ADAMTSL1: variants seen among roughly 807,000 people sequenced by gnomAD.
ADAMTSL1 encodes ADAMTS-like protein 1.
A neutral mutation model predicts 201.8 loss-of-function variants in ADAMTSL1; 126 were observed. That is an observed-to-expected ratio of 0.62 (90% CI 0.54 to 0.72). The LOEUF (loss-of-function observed/expected upper bound fraction) is 0.72, where lower values mean the gene tolerates loss of function less well. Ranked by LOEUF, ADAMTSL1 falls within the 30% of genes least tolerant of loss-of-function variation. The probability of loss-of-function intolerance (pLI) is 0.00; values close to 1 mark genes in which losing one functional copy is unlikely to be tolerated. For missense variants in ADAMTSL1, 2,679 were observed against 2,277.8 expected (o/e 1.18, Z -3.59); for synonymous variants, 1,121 against 903.4 (o/e 1.24, Z -4.32).
intron 2 of ADAMTSL1, among the ~76,000 whole-genome samples, chr9:18,251,267 C>G (rs1164116478): frequency 2.0e-5 from 3 of 151,968 alleles, no homozygotes; most frequent in Admixed American, 6.6e-5. Flanking sequence ...AGTTCTAGAA[C>G]AAGAAATAAT....
chr9:18,274,056 G>T (rs1423570162), intron 2 of ADAMTSL1, among the ~76,000 whole-genome samples: 1 of 152,254 alleles, frequency 6.6e-6, no homozygotes, highest in Non-Finnish European at 1.5e-5. Flanking sequence ...TTTGGAGGGT[G>T]AGTCTAGAAT....
intron 3 of ADAMTSL1, among the ~76,000 whole-genome samples, chr9:18,545,429 T>C (rs1820412554): frequency 6.6e-6 from 1 of 152,084 alleles, no homozygotes; most frequent in Non-Finnish European, 1.5e-5. Context: ...ATCCAAAAAG[T>C]TTAAGGCTCA....
chr9:18,058,528 A>T (rs1467434523), intron 1 of ADAMTSL1, among the ~76,000 whole-genome samples: 5 of 150,256 alleles, frequency 3.3e-5, no homozygotes, highest in Non-Finnish European at 5.9e-5. Context: ...TTGTGAGCAT[A>T]TTTTTTTTTT....
chr9:18,195,338 G>A (rs1428405611), intron 2 of ADAMTSL1, among the ~76,000 whole-genome samples: 1 of 152,048 alleles, frequency 6.6e-6, no homozygotes, highest in African/African-American at 2.4e-5. Context: ...ACTGCCTCCG[G>A]GAAGGCCATC....
chr9:18,732,698 G>A (rs542211659), intron 15 of ADAMTSL1, among the ~76,000 whole-genome samples: 1 of 152,192 alleles, frequency 6.6e-6, no homozygotes, highest in Middle Eastern at 3.4e-3. Flanking sequence ...AGAAAGTGAG[G>A]AAGGAAAGAA....
rs190830517 is a variant in ADAMTSL1 at position 18,800,455 on chromosome 9, T to C, written c.3805+4931T>C. On this transcript the variant is annotated intron_variant, in intron 20 of 28. Coordinates refer to ENST00000380548, the MANE Select transcript of ADAMTSL1 (RefSeq NM_001040272.6). ...CTCTGGGCCACATGGTAATAGCGAC[T>C]GACTGATCTAAGCTGCCATCAAGGA... Among the ~76,000 whole-genome samples, 16 of 149,134 alleles carry C rather than the reference T, an allele frequency of 1.1e-4. No individual in the cohort carries two copies. The East Asian group carries it at 2.6e-3, about 24-fold the overall frequency.
chr9:18,899,769 C>T (rs1829893728), intron 26 of ADAMTSL1, among the ~76,000 whole-genome samples: 1 of 152,144 alleles, frequency 6.6e-6, no homozygotes, highest in South Asian at 2.1e-4. Context: ...TCCTTCCACA[C>T]ACCTTATACA....
At chr9:18,315,903 A>G (rs1834372404) in intron 2 of ADAMTSL1, among the ~76,000 whole-genome samples, 5 of 152,104 alleles carry the variant, frequency 3.3e-5, no homozygotes, top group African/African-American at 1.2e-4. Context: ...TAGCAATCCT[A>G]CTTCTCAGTA....
intron 4 of ADAMTSL1, among the ~76,000 whole-genome samples, chr9:18,590,290 C>T (rs1449619031): frequency 1.3e-5 from 2 of 151,892 alleles, no homozygotes; most frequent in Non-Finnish European, 2.9e-5. Context: ...CTAGGTTTTC[C>T]AATTTATTGG....
chr9:18,897,669 T>C (rs1292490616), intron 26 of ADAMTSL1, among the ~76,000 whole-genome samples: 1 of 151,870 alleles, frequency 6.6e-6, no homozygotes, highest in Non-Finnish European at 1.5e-5. Flanking sequence ...AACAACATCA[T>C]CAACGAAAAA....
intron 2 of ADAMTSL1, among the ~76,000 whole-genome samples, chr9:18,246,804 T>A (rs1298659039): frequency 6.6e-6 from 1 of 152,128 alleles, no homozygotes; most frequent in African/African-American, 2.4e-5. Flanking sequence ...CCACTATCAG[T>A]AACAACCACA....
upstream of ADAMTSL1, among the ~76,000 whole-genome samples, chr9:18,473,016 T>C (rs534441142): frequency 5.3e-5 from 8 of 152,324 alleles, no homozygotes; most frequent in African/African-American, 1.9e-4. Context: ...CTTCCTGACC[T>C]TCTCGTTGCT....
intron 16 of ADAMTSL1, among the ~76,000 whole-genome samples, chr9:18,760,209 C>T (rs1008170247): frequency 5.3e-5 from 8 of 152,174 alleles, no homozygotes; most frequent in Non-Finnish European, 7.4e-5. Flanking sequence ...GCATCCTTCA[C>T]GCTTTGTCAA....
At chr9:18,172,052 C>A (rs1827920033) in intron 2 of ADAMTSL1, among the ~76,000 whole-genome samples, 1 of 149,552 alleles carries the variant, frequency 6.7e-6, no homozygotes, top group African/African-American at 2.5e-5. Context: ...ACAGCATGTT[C>A]TCACTCATAA....
intron 2 of ADAMTSL1, among the ~76,000 whole-genome samples, chr9:18,511,686 G>A (rs1818032958): frequency 6.6e-6 from 1 of 152,074 alleles, no homozygotes; most frequent in South Asian, 2.1e-4. Flanking sequence ...GAGAAAGTAA[G>A]CTAACTTCTC....
intron 9 of ADAMTSL1, among the ~76,000 whole-genome samples, chr9:18,663,312 A>C (rs1434702781): frequency 6.6e-6 from 1 of 152,170 alleles, no homozygotes; most frequent in Non-Finnish European, 1.5e-5. Context: ...CAAAAAGAAT[A>C]GATATTTTAT....
At chr9:18,361,821 C>G (rs547367356) in intron 2 of ADAMTSL1, among the ~76,000 whole-genome samples, 32 of 152,162 alleles carry the variant, frequency 2.1e-4, no homozygotes, top group Non-Finnish European at 4.0e-4. Context: ...ATTTGGTGGT[C>G]TCAGCTGAGT....
intron 2 of ADAMTSL1, among the ~76,000 whole-genome samples, chr9:18,290,787 T>TTTG (rs1554651163): frequency 1.8e-4 from 27 of 146,172 alleles, no homozygotes; most frequent in Middle Eastern, 3.5e-3. Context: ...GTGTGTTTTT[T>TTTG]TTTTTTTTTT....
chr9:18,773,067 T>C (rs1820785546), intron 17 of ADAMTSL1, among the ~76,000 whole-genome samples: 1 of 152,202 alleles, frequency 6.6e-6, no homozygotes, highest in African/African-American at 2.4e-5. Flanking sequence ...CTTATGACCA[T>C]TCCCCTGGCC....
Sources: allele counts gnomAD v4.1 joint callset (sites outside exome capture counted in the v4.1 genomes callset), GRCh38; gene constraint gnomAD v4.1.1; transcripts MANE v1.5; gene names NCBI Gene and HGNC (gene_info 2026-07-23, HGNC 2026-07-21).